NRG2: variants seen among roughly 807,000 people sequenced by gnomAD.
NRG2 encodes neuregulin 2, also known as pro-neuregulin-2, membrane-bound isoform.
In NRG2, 27 loss-of-function variants were observed where a neutral mutation model predicts 73.9. The ratio of observed to expected loss-of-function variants is 0.37; its 90% confidence interval spans 0.27 to 0.50. The LOEUF (loss-of-function observed/expected upper bound fraction) is 0.50, where lower values mean the gene tolerates loss of function less well. Ranked by LOEUF, NRG2 falls within the 20% of genes least tolerant of loss-of-function variation. The pLI is 0.96. For missense variants in NRG2, 1,126 were observed against 1,210.1 expected (o/e 0.93, Z 1.03); for synonymous variants, 532 against 541.0 (o/e 0.98, Z 0.23).
chr5:140,043,006 A>G lies in NRG2; in HGVS notation c.64T>C (p.Tyr22His). ...CTGCTGCTGCTGCTGCTGTCGCTGT[A>G]GCTGCTGCACCGACCCTTCTCCAGT... ...PPLEKGRCSS[Y>H]SDSSSSSSER... is the part of the protein sequence containing the mutation. Residue 22 changes from tyrosine (Y) to histidine (H), a missense_variant, in exon 1 of 10, where the codon TAC (tyrosine) becomes CAC (histidine). By Grantham distance (83) the Tyr-to-His change is moderately conservative. Transcript: ENST00000361474. This position sits in a 1 kb window ranked among gnomAD's most constrained non-coding sequence, Gnocchi z 6.7. The G allele has an allele frequency of 6.4e-7, 1 of 1,567,018 alleles. No individual in the cohort carries two copies. The highest frequency in any genetic ancestry group is 1.1e-5 in the South Asian group (1 of 87,052).
At chr5:139,961,169 G>A (rs1755028321) in intron 1 of NRG2, among the ~76,000 whole-genome samples, 1 of 152,194 alleles carries the variant, frequency 6.6e-6, no homozygotes. Context: ...CTTGGTAGTG[G>A]GGGTTTCGGG....
chr5:139,951,159 G>T (rs1754168059), intron 1 of NRG2, among the ~76,000 whole-genome samples: 1 of 152,248 alleles, frequency 6.6e-6, no homozygotes, highest in Admixed American at 6.5e-5. Flanking sequence ...CCTGGATGCA[G>T]ACTGAGAAGG....
rs987516339 is a variant in NRG2, at chr5:139,904,604, G to C, written c.701-17093C>G. ...CCACCGGCTCGGGCCGCGGGGGCGT[G>C]TGGGCGGCCGGTCTGGGCCCTAGGC... On this transcript the variant is annotated intron_variant, in intron 1 of 9. Coordinates refer to ENST00000361474, the MANE Select transcript of NRG2 (RefSeq NM_004883.3). This position sits in a 1 kb window ranked among gnomAD's most constrained non-coding sequence, Gnocchi z 6.0. Among the ~76,000 whole-genome samples the C allele has an allele frequency of 6.6e-6, 1 of 152,144 alleles. No homozygotes were observed. Among genetic ancestry groups the C allele is most frequent in the African/African-American group, 2.4e-5 (1 of 41,458 alleles).
At chr5:139,866,310 T>C (rs1247236207) in intron 4 of NRG2, among the ~76,000 whole-genome samples, 2 of 152,202 alleles carry the variant, frequency 1.3e-5, no homozygotes, top group East Asian at 1.9e-4. Flanking sequence ...TAGGAGGAAA[T>C]AGCTGAACTT....
At chr5:139,886,874 C>T (rs1255172822) in intron 2 of NRG2, among the ~76,000 whole-genome samples, 4 of 152,230 alleles carry the variant, frequency 2.6e-5, no homozygotes, top group East Asian at 1.9e-4. Flanking sequence ...GCTCCCTTTT[C>T]CCTTACCTAG....
Position 139,904,256 on chromosome 5 carries a change from G to A in NRG2, c.701-16745C>T. 5 of 1,558,468 alleles carry A rather than the reference G, an allele frequency of 3.2e-6. No individual in the cohort carries two copies. Among genetic ancestry groups the A allele is most frequent in the Non-Finnish European group, 3.4e-6 (4 of 1,160,120 alleles). On this transcript the variant is annotated intron_variant, in intron 1 of 9. Coordinates refer to ENST00000361474, the MANE Select transcript of NRG2 (RefSeq NM_004883.3). The surrounding 1 kb of genome is among the most constrained non-coding windows in gnomAD (Gnocchi z 6.0). ...TGCGCTGGGGGCGGGTGAGCGGGCG[G>A]CAGGTTTCTCCCAGGGAAACCGGGT...
At position 139,847,934 on chromosome 5, in the gene NRG2, C is replaced by T; in HGVS notation, c.2536G>A (p.Asp846Asn). ...SRGPPPRAKQ[D>N]SAPL ...GCGGGGCCCTAGAGTGGCGCCGAGT[C>T]CTGCTTGGCCCGCGGGGGCGGCCCG... The change falls in exon 10 of 10, where the codon GAC (aspartate) becomes AAC (asparagine). Residue 846 changes from aspartate (D) to asparagine (N), a missense_variant. Transcript: ENST00000361474. 6.7e-7 allele frequency: 1 copy of T among 1,495,818 alleles called. No individual in the cohort carries two copies. The highest frequency in any genetic ancestry group is 8.9e-7 in the Non-Finnish European group (1 of 1,128,424). The allele number at this position is 1,495,818 out of a possible 1,614,324, so 92.7% of individuals were successfully genotyped here.
chr5:139,976,557 C>T (rs1756398836), intron 1 of NRG2, among the ~76,000 whole-genome samples: 2 of 152,332 alleles, frequency 1.3e-5, no homozygotes, highest in South Asian at 2.1e-4. Context: ...CAGAACCCAC[C>T]TCCTCCCCAA....
intron 1 of NRG2, among the ~76,000 whole-genome samples, chr5:140,011,448 A>G (rs1480041757): frequency 6.6e-6 from 1 of 152,176 alleles, no homozygotes; most frequent in Non-Finnish European, 1.5e-5. Flanking sequence ...AATAAATAGA[A>G]TATGACAAAA....
rs3056593 is a variant in NRG2, at chr5:139,951,581, T to TCCTTTCTC, written c.701-64071_701-64070insGAGAAAGG. Among the ~76,000 whole-genome samples the TCCTTTCTC allele has an allele frequency of 5.9e-5, 9 of 151,920 alleles. No individual in the cohort carries two copies. The East Asian group carries it at 1.5e-3, about 26-fold the overall frequency. ...ACAATAGCAGCCTGAGCTCCGTGGC[T>TCCTTTCTC]CCTCTAATGAGGTTTCTCTGTCCCA... On this transcript the variant is annotated intron_variant, in intron 1 of 9. Transcript: ENST00000361474.
intron 1 of NRG2, among the ~76,000 whole-genome samples, chr5:139,897,812 C>T (rs1764639641): frequency 6.6e-6 from 1 of 152,204 alleles, no homozygotes; most frequent in Admixed American, 6.5e-5. Context: ...CAGGCATCTG[C>T]CCTAGAATGG....
chr5:139,896,104 C>G (rs1764527023), intron 1 of NRG2, among the ~76,000 whole-genome samples: 1 of 151,856 alleles, frequency 6.6e-6, no homozygotes, highest in Admixed American at 6.6e-5. Context: ...GGGGAGGCAC[C>G]CTGTACATGC....
chr5:140,015,336 C>T (rs1031470982), intron 1 of NRG2, among the ~76,000 whole-genome samples: 7 of 152,116 alleles, frequency 4.6e-5, no homozygotes, highest in African/African-American at 1.7e-4. Flanking sequence ...AAATATTACT[C>T]AATGAATGGA....
chr5:139,852,026 T>G lies in NRG2; in HGVS notation c.1545-195A>C, dbSNP rs893760604. On this transcript the variant is annotated intron_variant, in intron 8 of 9. Coordinates refer to ENST00000361474, the MANE Select transcript of NRG2 (RefSeq NM_004883.3). This position sits in a 1 kb window ranked among gnomAD's most constrained non-coding sequence, Gnocchi z 4.4. ...TGGAAGAAGGAGGGCTGGGGTCCCATAGATGGGTGAGCTGTAATGTGCAGA... is the reference window on the plus strand; with the variant it reads ...TGGAAGAAGGAGGGCTGGGGTCCCAGAGATGGGTGAGCTGTAATGTGCAGA... Among the ~76,000 whole-genome samples the G allele has an allele frequency of 6.6e-6, 1 of 152,166 alleles. No homozygotes were observed. The highest frequency in any genetic ancestry group is 2.4e-5 in the African/African-American group (1 of 41,442).
intron 1 of NRG2, among the ~76,000 whole-genome samples, chr5:140,040,750 T>A (rs1303729865): frequency 6.6e-6 from 1 of 152,194 alleles, no homozygotes; most frequent in Non-Finnish European, 1.5e-5. Flanking sequence ...TCTCAGAGTA[T>A]TTTAATACTC....
At chr5:139,970,947 CTTTT>C (rs912465970) in intron 1 of NRG2, among the ~76,000 whole-genome samples, 1 of 149,870 alleles carries the variant, frequency 6.7e-6, no homozygotes, top group African/African-American at 2.5e-5. Context: ...ACCAGTTTTT[CTTTT>C]TTTTTTATTT....
At chr5:139,855,942 G>C (rs1349401301) in intron 5 of NRG2, among the ~76,000 whole-genome samples, 164 bp from the exon 6 acceptor site, 1 of 152,110 alleles carries the variant, frequency 6.6e-6, no homozygotes, top group African/African-American at 2.4e-5. Flanking sequence ...CCTCCTACAT[G>C]CTCTGTTTTG....
Position 139,847,371 on chromosome 5 carries a change from C to T in NRG2, c.*546G>A, listed in dbSNP as rs2126982149. On this transcript the variant is annotated 3_prime_UTR_variant, in exon 10 of 10. Coordinates refer to ENST00000361474, the MANE Select transcript of NRG2 (RefSeq NM_004883.3). ...CCCCTGGAAGTTACCCCAGCTCCAG[C>T]TCCAAGCCTAGGGTCCTGGCCCTCT... 6.6e-6 allele frequency: 1 copy of T among 152,296 alleles called. No homozygotes were observed. Among genetic ancestry groups the T allele is most frequent in the African/African-American group, 2.4e-5 (1 of 41,476 alleles). 9.4% of individuals were successfully genotyped at this position (152,296 alleles called of 1,614,324 possible).
intron 1 of NRG2, among the ~76,000 whole-genome samples, chr5:139,971,022 C>A (rs1309916041): frequency 3.9e-5 from 6 of 151,980 alleles, no homozygotes; most frequent in Non-Finnish European, 7.4e-5. Flanking sequence ...AACACAGTGA[C>A]AACACCACCA....
Sources: gnomAD v4.1 joint callset for allele counts (sites outside exome capture counted in the v4.1 genomes callset) on GRCh38, gnomAD v4.1.1 for gene constraint, Gnocchi (gnomAD v3.1) non-coding constraint, MANE v1.5 for transcripts, NCBI Gene and HGNC (gene_info 2026-07-23, HGNC 2026-07-21) for gene names.